FBXO31: variants seen among roughly 807,000 people sequenced by gnomAD.
The protein encoded by FBXO31 is F-box protein 31.
In FBXO31, 24 loss-of-function variants were observed where a neutral mutation model predicts 54.4. The ratio of observed to expected loss-of-function variants is 0.44; its 90% CI spans 0.32 to 0.62. The LOEUF (loss-of-function observed/expected upper bound fraction) is 0.62, where lower values mean the gene tolerates loss of function less well. FBXO31 is among the 20% of genes least tolerant of loss of function. The pLI is 0.05. For synonymous variants in FBXO31, 388 were observed against 335.6 expected (o/e 1.16, Z -1.71); for missense variants, 665 against 787.1 (o/e 0.84, Z 1.86).
At chr16:87,386,959 T>G (rs1305652649), upstream of FBXO31, among the ~76,000 whole-genome samples, 1 of 152,092 alleles carries the variant, frequency 6.6e-6, no homozygotes, top group Non-Finnish European at 1.5e-5. Context: ...TGGAAGGCTG[T>G]GTACCCAAAG....
intron 1 of FBXO31, among the ~76,000 whole-genome samples, chr16:87,372,757 G>A (rs1342377035): frequency 7.1e-6 from 1 of 140,618 alleles, no homozygotes; most frequent in Non-Finnish European, 1.5e-5. Flanking sequence ...TTTTGAGACA[G>A]AGTCTCACTC....
chr16:87,343,239 A>G (rs1047365248), intron 4 of FBXO31, among the ~76,000 whole-genome samples: 8 of 152,254 alleles, frequency 5.3e-5, no homozygotes, highest in Admixed American at 2.6e-4. Flanking sequence ...GGTGTGGCAG[A>G]TGACACGCTG....
chr16:87,386,722 C>T (rs1467068487), upstream of FBXO31, among the ~76,000 whole-genome samples: 7 of 152,242 alleles, frequency 4.6e-5, no homozygotes, highest in African/African-American at 1.7e-4. Context: ...GCACGAGCCA[C>T]TGCACCCGGC....
intron 8 of FBXO31, among the ~76,000 whole-genome samples, chr16:87,333,105 G>A (rs1904920475): frequency 2.0e-5 from 3 of 152,254 alleles, no homozygotes; most frequent in Non-Finnish European, 2.9e-5. Flanking sequence ...ACACGGGGCA[G>A]GGCCTTGTTC....
At chr16:87,381,916 T>C (rs1377833616) in intron 1 of FBXO31, among the ~76,000 whole-genome samples, 1 of 151,698 alleles carries the variant, frequency 6.6e-6, no homozygotes, top group Non-Finnish European at 1.5e-5. Context: ...CCCAGCTACT[T>C]GGAGGCTGAT....
upstream of FBXO31, among the ~76,000 whole-genome samples, chr16:87,386,596 G>C (rs766107345): frequency 6.6e-6 from 1 of 152,096 alleles, no homozygotes; most frequent in Admixed American, 6.5e-5. Flanking sequence ...ACCACACTTG[G>C]CTAATTTTTG....
At chr16:87,341,795 C>T (rs547706806) in intron 5 of FBXO31, among the ~76,000 whole-genome samples, 1 of 152,134 alleles carries the variant, frequency 6.6e-6, no homozygotes, top group African/African-American at 2.4e-5. Context: ...GCCATCTATT[C>T]AAGAAAACAG....
intron 1 of FBXO31, among the ~76,000 whole-genome samples, chr16:87,365,711 G>A (rs1427954490): frequency 6.6e-6 from 1 of 152,184 alleles, no homozygotes; most frequent in African/African-American, 2.4e-5. Context: ...TCTCTTAGTT[G>A]ACAATGTATG....
chr16:87,355,515 C>G (rs889862309), intron 2 of FBXO31, among the ~76,000 whole-genome samples: 3 of 152,202 alleles, frequency 2.0e-5, no homozygotes, highest in Non-Finnish European at 2.9e-5. Context: ...AGGTCATCCA[C>G]TTAAATTTGT....
chr16:87,364,622 G>T (rs1299655065), intron 1 of FBXO31, among the ~76,000 whole-genome samples: 1 of 152,154 alleles, frequency 6.6e-6, no homozygotes, highest in Admixed American at 6.5e-5. Flanking sequence ...GTCACCCCAG[G>T]CCACAGCCCT....
At chr16:87,349,629 T>C (rs1905553289) in intron 2 of FBXO31, among the ~76,000 whole-genome samples, 2 of 151,766 alleles carry the variant, frequency 1.3e-5, no homozygotes, top group Non-Finnish European at 2.9e-5. Context: ...GAGAATCACT[T>C]GAACAGGGAG....
At chr16:87,354,053 G>C (rs1189072797) in intron 2 of FBXO31, among the ~76,000 whole-genome samples, 1 of 152,264 alleles carries the variant, frequency 6.6e-6, no homozygotes. Context: ...TCCAGTTTCA[G>C]AGGAATGGAC....
intron 1 of FBXO31, among the ~76,000 whole-genome samples, chr16:87,375,899 C>G (rs1215739283): frequency 6.6e-6 from 1 of 152,352 alleles, no homozygotes; most frequent in East Asian, 1.9e-4. Flanking sequence ...CAGCTCCAAG[C>G]TGCCCCTGCC....
intron 1 of FBXO31, among the ~76,000 whole-genome samples, chr16:87,363,236 T>C (rs926460179): frequency 2.6e-5 from 4 of 151,818 alleles, no homozygotes; most frequent in Non-Finnish European, 5.9e-5. Context: ...AATACAAAAT[T>C]AGCCGGGCAT....
intron 1 of FBXO31, among the ~76,000 whole-genome samples, chr16:87,370,038 G>A (rs1054264725): frequency 6.6e-6 from 1 of 152,164 alleles, no homozygotes; most frequent in African/African-American, 2.4e-5. Context: ...GCTCATTGCT[G>A]AGTGGTGGCA....
intron 1 of FBXO31, chr16:87,389,649 A>C (rs1439526963): frequency 1.3e-5 from 2 of 152,228 alleles, no homozygotes; most frequent in African/African-American, 2.4e-5. Flanking sequence ...AAAATCCAGA[A>C]AAGAAAGCAA....
rs1231568821 is a variant in FBXO31 at position 87,327,899 on chromosome 16, C to G, written c.*3389G>C. ...AAAGTTACACCACGAAGGCAGCAAC[C>G]AGAATAGAAACATCCTAAAAGAGCC... On this transcript the variant is annotated 3_prime_UTR_variant, in exon 9 of 9. Transcript: ENST00000311635. The G allele has an allele frequency of 1.3e-5, 2 of 152,152 alleles. No homozygotes were observed. Among genetic ancestry groups the G allele is most frequent in the African/African-American group, 2.4e-5 (1 of 41,416 alleles). The allele number at this position is 152,152 out of a possible 1,614,324, so 9.4% of individuals were successfully genotyped here.
chr16:87,347,552 T>C (rs34148017), intron 2 of FBXO31, among the ~76,000 whole-genome samples: 5,573 of 151,676 alleles, frequency 0.037, 222 homozygotes, highest in African/African-American at 0.1. Context: ...TGGTGGCGGG[T>C]GCCTGTAGTC....
rs1233386454 is a variant in FBXO31, at chr16:87,345,211, G to GC, written c.490-1447dup. Among the ~76,000 whole-genome samples, 2 of 152,168 alleles carry GC rather than the reference G, an allele frequency of 1.3e-5. No individual in the cohort carries two copies. Among genetic ancestry groups the GC allele is most frequent in the Non-Finnish European group, 2.9e-5 (2 of 68,038 alleles). On this transcript the variant is annotated intron_variant, in intron 3 of 8. Transcript: ENST00000311635. This position sits in a 1 kb window ranked among gnomAD's most constrained non-coding sequence, Gnocchi z 4.9. Reference sequence around the variant, plus strand: ...ACACCAGCACCGGATTTTCAACACAGCAAGAACGATGGCAACAGTGACACC... The same window carrying GC: ...ACACCAGCACCGGATTTTCAACACAGCCAAGAACGATGGCAACAGTGACACC...
Sources: gnomAD v4.1 joint callset for allele counts (sites outside exome capture counted in the v4.1 genomes callset) on GRCh38, gnomAD v4.1.1 for gene constraint, Gnocchi (gnomAD v3.1) non-coding constraint, MANE v1.5 for transcripts, NCBI Gene and HGNC (gene_info 2026-07-23, HGNC 2026-07-21) for gene names.